The following ACTR3C variants were observed in gnomAD, a reference collection of about 807,000 sequenced individuals.
ACTR3C encodes actin-related protein 3C.
A neutral mutation model predicts 26.3 loss-of-function variants in ACTR3C; 18 were observed. That is an observed-to-expected ratio of 0.68 (90% CI 0.47 to 1.01). The LOEUF (loss-of-function observed/expected upper bound fraction) is 1.01, where lower values mean the gene tolerates loss of function less well. Among genes scored for constraint, ACTR3C ranks in the 50% least tolerant of loss-of-function variants. The pLI, the probability that ACTR3C is intolerant of heterozygous loss-of-function variation, is 0.00. For synonymous variants in ACTR3C, 55 were observed against 94.5 expected, an observed-to-expected ratio of 0.58 and a Z score of 2.42; for missense variants, 184 against 250.7, an observed-to-expected ratio of 0.73 and a Z score of 1.80.
chr7:150,113,177 C>T, the ACTR3C span, among the ~76,000 whole-genome samples: 21,750 of 151,180 alleles, frequency 0.14, 1,699 homozygotes, highest in South Asian at 0.23. Context: ...CTCTACCTCA[C>T]GCTGCTCCTA....
chr7:149,930,363 G>T, the ACTR3C span, among the ~76,000 whole-genome samples: 1 of 152,206 alleles, frequency 6.6e-6, no homozygotes, highest in Non-Finnish European at 1.5e-5. Context: ...CTCTCAAACA[G>T]TGCAGGAAAG....
At chr7:150,119,478 T>C in the ACTR3C span, among the ~76,000 whole-genome samples, 1 of 151,986 alleles carries the variant, frequency 6.6e-6, no homozygotes, top group Non-Finnish European at 1.5e-5. Context: ...AAGTCAAAAA[T>C]GACAAGGAAG....
At chr7:150,001,128 A>T in the ACTR3C span, 143 of 152,128 alleles carry the variant, frequency 9.4e-4, no homozygotes, top group Middle Eastern at 3.4e-3. Flanking sequence ...CCTTGTGAAG[A>T]CTTCTTATCT....
chr7:150,142,442 G>A, the ACTR3C span, among the ~76,000 whole-genome samples: 1 of 152,296 alleles, frequency 6.6e-6, no homozygotes, highest in Admixed American at 6.5e-5. Context: ...CCAGCCCTGC[G>A]CCTGCCTCAC....
chr7:150,279,153 T>A (rs867201010), intron 6 of ACTR3C, among the ~76,000 whole-genome samples: 3 of 152,088 alleles, frequency 2.0e-5, no homozygotes, highest in Non-Finnish European at 4.4e-5. Context: ...AAAAAATTTT[T>A]AATTAGCTGC....
the ACTR3C span, among the ~76,000 whole-genome samples, chr7:150,180,675 G>A: frequency 6.8e-6 from 1 of 147,880 alleles, no homozygotes; most frequent in African/African-American, 2.6e-5. Flanking sequence ...ACCACGCCTG[G>A]CTAATTTTTG....
the ACTR3C span, among the ~76,000 whole-genome samples, chr7:149,917,464 CT>C: frequency 3.9e-5 from 6 of 152,102 alleles, no homozygotes; most frequent in Admixed American, 3.9e-4. Context: ...AATATGTAGA[CT>C]TTTCAGTTCT....
At chr7:150,150,599 T>G in the ACTR3C span, among the ~76,000 whole-genome samples, 144 of 139,072 alleles carry the variant, frequency 1.0e-3, 38 homozygotes, top group East Asian at 0.03. Context: ...GTCTTCCTTC[T>G]GTCTTGCAGA....
At chr7:149,890,229 G>A in the ACTR3C span, among the ~76,000 whole-genome samples, 2 of 151,600 alleles carry the variant, frequency 1.3e-5, no homozygotes, top group South Asian at 2.1e-4. Context: ...GGTTTAATAC[G>A]CAGCTTACGT....
chr7:149,980,831 T>C, the ACTR3C span, among the ~76,000 whole-genome samples: 1 of 152,206 alleles, frequency 6.6e-6, no homozygotes, highest in Admixed American at 6.5e-5. Flanking sequence ...ATTTAACCAT[T>C]TGCCACAGAA....
chr7:150,178,062 A>T, the ACTR3C span, among the ~76,000 whole-genome samples: 1 of 150,582 alleles, frequency 6.6e-6, no homozygotes, highest in Non-Finnish European at 1.5e-5. Flanking sequence ...ACAAAAACAC[A>T]CTGCAATTAA....
chr7:149,930,161 G>A, the ACTR3C span, among the ~76,000 whole-genome samples: 14 of 152,174 alleles, frequency 9.2e-5, no homozygotes, highest in East Asian at 1.2e-3. Flanking sequence ...AATGTATGCC[G>A]CTGATGGGGA....
the ACTR3C span, among the ~76,000 whole-genome samples, chr7:150,147,773 C>T: frequency 1.3e-4 from 19 of 151,568 alleles, no homozygotes; most frequent in Admixed American, 1.2e-3. Flanking sequence ...CGTTTCAGTC[C>T]AGTCACAGGA....
chr7:150,275,981 C>T (rs1419602759), intron 6 of ACTR3C, among the ~76,000 whole-genome samples: 3 of 152,078 alleles, frequency 2.0e-5, no homozygotes, highest in Admixed American at 1.3e-4. Flanking sequence ...TTCTCAATAG[C>T]CCGCAACCTT....
chr7:150,039,948 G>T, the ACTR3C span, among the ~76,000 whole-genome samples: 4 of 139,022 alleles, frequency 2.9e-5, no homozygotes, highest in Admixed American at 2.2e-4. Flanking sequence ...GGGAGGAAAG[G>T]GGGAGGTTCG....
At chr7:149,969,338 C>T in the ACTR3C span, among the ~76,000 whole-genome samples, 5 of 145,020 alleles carry the variant, frequency 3.4e-5, no homozygotes, top group Non-Finnish European at 5.9e-5. Flanking sequence ...TGTGATGCTG[C>T]CCCTGTTTCC....
chr7:150,318,218 T>G (rs1797133398), intron 1 of ACTR3C, among the ~76,000 whole-genome samples: 1 of 152,194 alleles, frequency 6.6e-6, no homozygotes, highest in Non-Finnish European at 1.5e-5. Context: ...TTGTTTTGTC[T>G]GTGCTCAGAG....
chr7:150,017,536 G>A, the ACTR3C span, among the ~76,000 whole-genome samples: 50 of 150,260 alleles, frequency 3.3e-4, no homozygotes, highest in South Asian at 3.3e-3. Flanking sequence ...CAGGAACATC[G>A]AAGGGTCCAT....
chr7:150,319,765 A>C (rs1585023954), intron 1 of ACTR3C, among the ~76,000 whole-genome samples: 1 of 152,322 alleles, frequency 6.6e-6, no homozygotes, highest in Non-Finnish European at 1.5e-5. Flanking sequence ...CCCGAGACAG[A>C]GTTAGCAGCT....
Sources: allele counts gnomAD v4.1 joint callset (sites outside exome capture counted in the v4.1 genomes callset), GRCh38; gene constraint gnomAD v4.1.1; transcripts MANE v1.5; gene names NCBI Gene and HGNC (gene_info 2026-07-23, HGNC 2026-07-21).